NRIP1: variants seen among roughly 807,000 people sequenced by gnomAD.
The protein encoded by NRIP1 is nuclear receptor interacting protein 1.
A neutral mutation model predicts 75.0 loss-of-function variants in NRIP1; 28 were observed. The ratio of observed to expected loss-of-function variants is 0.37; its 90% confidence interval spans 0.28 to 0.51. The LOEUF is 0.51. Among genes scored for constraint, NRIP1 ranks in the 20% least tolerant of loss-of-function variants. The pLI, the probability that NRIP1 is intolerant of heterozygous loss-of-function variation, is 0.92. For synonymous variants in NRIP1, 526 were observed against 487.6 expected (o/e 1.08, Z -1.04); for missense variants, 1,435 against 1,343.7 (o/e 1.07, Z -1.06).
chr21:14,994,034 T>C (rs139768991), intron 3 of NRIP1, among the ~76,000 whole-genome samples: 14 of 152,308 alleles, frequency 9.2e-5, no homozygotes, highest in Non-Finnish European at 1.8e-4. Context: ...CTTTCAATCA[T>C]ATGACACTGC....
At chr21:15,030,604 T>C (rs1278821023) in intron 2 of NRIP1, among the ~76,000 whole-genome samples, 1 of 152,180 alleles carries the variant, frequency 6.6e-6, no homozygotes, top group Non-Finnish European at 1.5e-5. Flanking sequence ...GCAGTACAAA[T>C]ATAGAGTTCT....
chr21:14,980,569 T>C (rs561525947), intron 3 of NRIP1, among the ~76,000 whole-genome samples: 2 of 151,758 alleles, frequency 1.3e-5, no homozygotes, highest in Admixed American at 6.5e-5. Context: ...TTAAACAAGA[T>C]GTTAAATTTA....
intron 2 of NRIP1, among the ~76,000 whole-genome samples, chr21:15,035,556 CT>C (rs71331704): frequency 0.013 from 1,689 of 134,470 alleles, 13 homozygotes; most frequent in Non-Finnish European, 0.016. Flanking sequence ...TTGTATATGA[CT>C]TTTTTTTTTT....
At position 14,966,837 on chromosome 21, in the gene NRIP1, T is replaced by C. The variant is rs2086762146; in HGVS notation, c.1356A>G (p.Ser452=). ...CCAGGGAAACAGGTTGGTCAGATTC[T>C]GATTTTTCAGTTCGGTGTTTGCAAG... ...DLSCKHRTEK[S]ESDQPVSLDN... The change falls in exon 4 of 4, where the codon TCA becomes TCG. Residue 452 remains serine, a synonymous_variant. Coordinates refer to ENST00000318948, the MANE Select transcript of NRIP1 (RefSeq NM_003489.4). The C allele has an allele frequency of 1.2e-6, 2 of 1,614,060 alleles. No homozygotes were observed. The highest frequency in any genetic ancestry group is 2.7e-5 in the African/African-American group (2 of 74,942).
chr21:14,975,250 T>C (rs377429761), intron 3 of NRIP1, among the ~76,000 whole-genome samples: 14 of 152,132 alleles, frequency 9.2e-5, no homozygotes, highest in African/African-American at 3.4e-4. Context: ...AGCATCAGTT[T>C]TTTTCCATTC....
chr21:14,990,846 A>G (rs138486648), intron 3 of NRIP1, among the ~76,000 whole-genome samples: 117 of 152,316 alleles, frequency 7.7e-4, no homozygotes, highest in African/African-American at 2.7e-3. Context: ...TATTTATAAT[A>G]ATAAATGGAC....
At chr21:15,028,099 T>C (rs150488712) in intron 2 of NRIP1, among the ~76,000 whole-genome samples, 1 of 152,316 alleles carries the variant, frequency 6.6e-6, no homozygotes, top group Non-Finnish European at 1.5e-5. Flanking sequence ...ATCCAAATAC[T>C]TCTTGAGTAT....
At chr21:15,017,824 G>A (rs543505585) in intron 2 of NRIP1, among the ~76,000 whole-genome samples, 2 of 152,250 alleles carry the variant, frequency 1.3e-5, no homozygotes, top group South Asian at 2.1e-4. Context: ...AGTATTCCGA[G>A]CCCACAATGT....
chr21:15,056,638 G>A (rs113383784), intron 1 of NRIP1, among the ~76,000 whole-genome samples: 145 of 152,042 alleles, frequency 9.5e-4, no homozygotes, highest in African/African-American at 3.4e-3. Context: ...AAAATATAAC[G>A]TATTCTCTAA....
At chr21:15,025,102 A>G (rs1314669760) in intron 2 of NRIP1, among the ~76,000 whole-genome samples, 1 of 152,180 alleles carries the variant, frequency 6.6e-6, no homozygotes, top group Non-Finnish European at 1.5e-5. Flanking sequence ...AAAAAGATGC[A>G]CTGTGGTGTG....
At chr21:15,025,582 A>G (rs978583124) in intron 2 of NRIP1, among the ~76,000 whole-genome samples, 11 of 152,236 alleles carry the variant, frequency 7.2e-5, no homozygotes, top group African/African-American at 2.7e-4. Context: ...ATTATTAATT[A>G]CAGAGGGAAA....
intron 3 of NRIP1, among the ~76,000 whole-genome samples, chr21:14,981,542 G>T (rs2142453): frequency 6.6e-6 from 1 of 152,040 alleles, no homozygotes; most frequent in Non-Finnish European, 1.5e-5. Flanking sequence ...GGATGACTCC[G>T]GTGTGCTGAG....
At chr21:15,064,233 G>T (rs1034622707) in intron 1 of NRIP1, among the ~76,000 whole-genome samples, 1 of 152,268 alleles carries the variant, frequency 6.6e-6, no homozygotes, top group Non-Finnish European at 1.5e-5. Context: ...AGCGGCCCGG[G>T]GTCGGGTGGG....
chr21:15,058,035 C>A (rs377740381), intron 1 of NRIP1, among the ~76,000 whole-genome samples: 49 of 152,278 alleles, frequency 3.2e-4, no homozygotes, highest in African/African-American at 1.2e-3. Context: ...GGCTTGAAAT[C>A]TTTACTGTTT....
chr21:15,063,366 G>A (rs1978503086), intron 1 of NRIP1, among the ~76,000 whole-genome samples: 1 of 152,184 alleles, frequency 6.6e-6, no homozygotes, highest in Non-Finnish European at 1.5e-5. Flanking sequence ...ACACTTAGGG[G>A]CCAGGCAGAT....
intron 2 of NRIP1, among the ~76,000 whole-genome samples, chr21:15,023,898 A>C (rs1853407566): frequency 6.6e-6 from 1 of 152,236 alleles, no homozygotes; most frequent in Admixed American, 6.5e-5. Context: ...AATATTTGAC[A>C]AAAGTTACAC....
chr21:15,024,779 T>C (rs1173349042), intron 2 of NRIP1, among the ~76,000 whole-genome samples: 1 of 152,136 alleles, frequency 6.6e-6, no homozygotes, highest in Non-Finnish European at 1.5e-5. Flanking sequence ...CTTGTTATTG[T>C]ATGTGTTATT....
intron 1 of NRIP1, chr21:15,051,997 T>C (rs987374808): frequency 3.3e-5 from 5 of 152,202 alleles, no homozygotes; most frequent in African/African-American, 9.7e-5. Context: ...TAACCCTATC[T>C]AGTACAAGTT....
At chr21:14,978,904 C>A (rs1600823379) in intron 3 of NRIP1, among the ~76,000 whole-genome samples, 1 of 151,668 alleles carries the variant, frequency 6.6e-6, no homozygotes, top group East Asian at 2.1e-4. Context: ...TTCAAAAACA[C>A]AATACATTTC....
Sources: allele counts gnomAD v4.1 joint callset (sites outside exome capture counted in the v4.1 genomes callset), GRCh38; gene constraint gnomAD v4.1.1; transcripts MANE v1.5; gene names NCBI Gene and HGNC (gene_info 2026-07-23, HGNC 2026-07-21).